The following SND1 variants were observed in gnomAD, a reference collection of about 807,000 sequenced individuals.
SND1 encodes the protein staphylococcal nuclease domain-containing protein 1.
In SND1, 38 loss-of-function variants were observed where a neutral mutation model predicts 121.7. The ratio of observed to expected loss-of-function variants is 0.31; its 90% CI spans 0.24 to 0.41. The LOEUF (loss-of-function observed/expected upper bound fraction) is 0.41, where lower values mean the gene tolerates loss of function less well. Among genes scored for constraint, SND1 ranks in the 10% least tolerant of loss-of-function variants. SND1 has a pLI of 1.00. For missense variants in SND1, 868 were observed against 1,184.6 expected (o/e 0.73, Z 3.92); for synonymous variants, 401 against 447.4 (o/e 0.90, Z 1.31).
chr7:127,873,895 TGACTATTCTAAACAAA>T (rs539722206), intron 12 of SND1, among the ~76,000 whole-genome samples: 2,249 of 152,228 alleles, frequency 0.015, 20 homozygotes, highest in Non-Finnish European at 0.025. Context: ...ACAACAACTC[TGACTATTCTAAACAAA>T]AGGAAGATGT....
intron 2 of SND1, among the ~76,000 whole-genome samples, chr7:127,693,882 T>A (rs1164568522): frequency 6.6e-6 from 1 of 152,152 alleles, no homozygotes; most frequent in Non-Finnish European, 1.5e-5. Flanking sequence ...ACTGTGCCAA[T>A]GGCTTCAGAG....
intron 16 of SND1, among the ~76,000 whole-genome samples, chr7:128,009,535 G>A (rs937859113): frequency 1.3e-5 from 2 of 152,188 alleles, no homozygotes; most frequent in African/African-American, 4.8e-5. Flanking sequence ...CAGTAGCCAC[G>A]TAATGGATAT....
chr7:128,081,551 G>A (rs1233401334), intron 18 of SND1, 50 bp downstream of exon 18: 9 of 1,605,704 alleles, frequency 5.6e-6, no homozygotes, highest in East Asian at 4.5e-5. Flanking sequence ...TCCAGCTGGC[G>A]CTGCCTGGGG....
chr7:127,776,760 T>C (rs1797627616), intron 10 of SND1, among the ~76,000 whole-genome samples: 2 of 152,154 alleles, frequency 1.3e-5, no homozygotes, highest in Non-Finnish European at 2.9e-5. Context: ...GGGTATTTCT[T>C]ATAACCAAAG....
chr7:127,795,604 G>A (rs1463794192), intron 10 of SND1, among the ~76,000 whole-genome samples: 1 of 152,098 alleles, frequency 6.6e-6, no homozygotes, highest in Non-Finnish European at 1.5e-5. Flanking sequence ...GTTTTTTCAA[G>A]ATCATAAGTA....
At chr7:127,922,198 T>TGG (rs1204407502) in intron 14 of SND1, among the ~76,000 whole-genome samples, 1 of 126,950 alleles carries the variant, frequency 7.9e-6, no homozygotes, top group Non-Finnish European at 1.6e-5. Context: ...TTTTTTTTTT[T>TGG]TTTTTGTTTT....
At chr7:127,670,873 G>A (rs999105375) in intron 1 of SND1, among the ~76,000 whole-genome samples, 2 of 151,772 alleles carry the variant, frequency 1.3e-5, no homozygotes, top group Non-Finnish European at 2.9e-5. Context: ...GCATAGGAAG[G>A]AAAAGGGATA....
chr7:127,699,043 A>G, intron 4 of SND1, 90 bp downstream of exon 4: 1 of 1,012,566 alleles, frequency 9.9e-7, no homozygotes, highest in Non-Finnish European at 1.5e-6. Context: ...GGGTAACTGC[A>G]GGGGCTTTCA....
chr7:127,786,134 C>T (rs1392200453), intron 10 of SND1, among the ~76,000 whole-genome samples: 1 of 151,336 alleles, frequency 6.6e-6, no homozygotes, highest in Non-Finnish European at 1.5e-5. Context: ...CCTGCTTCTT[C>T]AATTATCCTT....
chr7:127,660,212 C>A (rs1166981293), intron 1 of SND1, among the ~76,000 whole-genome samples: 1 of 152,058 alleles, frequency 6.6e-6, no homozygotes, highest in Non-Finnish European at 1.5e-5. Context: ...GCTTGAGACC[C>A]AGAGGAACAT....
chr7:128,083,590 A>G (rs572990925), intron 18 of SND1, among the ~76,000 whole-genome samples: 1 of 152,388 alleles, frequency 6.6e-6, no homozygotes, highest in South Asian at 2.1e-4. Context: ...GCTTTGTGCA[A>G]GTAAACAGAA....
At chr7:127,870,499 C>CT (rs1315572020) in intron 12 of SND1, among the ~76,000 whole-genome samples, 9 of 152,168 alleles carry the variant, frequency 5.9e-5, no homozygotes, top group African/African-American at 1.9e-4. Context: ...TAGCCTACTA[C>CT]ACACAGAGGC....
At chr7:128,072,837 T>C (rs1562889731) in intron 16 of SND1, among the ~76,000 whole-genome samples, 1 of 152,150 alleles carries the variant, frequency 6.6e-6, no homozygotes, top group Non-Finnish European at 1.5e-5. Flanking sequence ...CAACCTCAGA[T>C]TTTGCCCACC....
intron 15 of SND1, among the ~76,000 whole-genome samples, chr7:127,962,589 C>T (rs1318239137): frequency 6.6e-6 from 1 of 152,100 alleles, no homozygotes; most frequent in Non-Finnish European, 1.5e-5. Context: ...TGTTTCTTAC[C>T]ATTTTTCTGG....
At chr7:127,974,082 G>A (rs983006092) in intron 15 of SND1, among the ~76,000 whole-genome samples, 12 of 152,208 alleles carry the variant, frequency 7.9e-5, no homozygotes, top group Non-Finnish European at 1.5e-4. Context: ...ACTTACATAA[G>A]ATGTGTGTGT....
intron 11 of SND1, among the ~76,000 whole-genome samples, chr7:127,841,861 G>A (rs1280751300): frequency 2.0e-5 from 3 of 152,094 alleles, no homozygotes; most frequent in Non-Finnish European, 2.9e-5. Context: ...TTTAAAGCTA[G>A]GTATCTAATT....
At chr7:127,984,526 A>G (rs978495417) in intron 15 of SND1, among the ~76,000 whole-genome samples, 1 of 152,154 alleles carries the variant, frequency 6.6e-6, no homozygotes, top group African/African-American at 2.4e-5. Flanking sequence ...TTCATCAACC[A>G]TCTCTTTCTC....
rs1793798710 is a variant in SND1, at chr7:128,092,365, A to C, written c.*307A>C. On this transcript the variant is annotated 3_prime_UTR_variant, in exon 24 of 24. Transcript: ENST00000354725. This position sits in a 1 kb window ranked among gnomAD's most constrained non-coding sequence, Gnocchi z 4.9. ...GTCCTCAAATCAGGAAGAAACATCAAAGACTATGTCCTAGTGGAGGGAGTA... is the reference window on the plus strand; with the variant it reads ...GTCCTCAAATCAGGAAGAAACATCACAGACTATGTCCTAGTGGAGGGAGTA... The C allele has an allele frequency of 2.5e-6, 1 of 402,258 alleles. No individual in the cohort carries two copies. The highest frequency in any genetic ancestry group is 4.5e-6 in the Non-Finnish European group (1 of 222,672). 24.9% of individuals were successfully genotyped at this position (402,258 alleles called of 1,614,324 possible).
intron 6 of SND1, 122 bp from the exon 7 acceptor site, chr7:127,703,043 T>C: frequency 9.5e-7 from 1 of 1,050,850 alleles, no homozygotes. Flanking sequence ...GAAGGACTGA[T>C]TTAAGACCTT....
Sources: gnomAD v4.1 joint callset for allele counts (sites outside exome capture counted in the v4.1 genomes callset) on GRCh38, gnomAD v4.1.1 for gene constraint, Gnocchi (gnomAD v3.1) non-coding constraint, MANE v1.5 for transcripts, NCBI Gene and HGNC (gene_info 2026-07-23, HGNC 2026-07-21) for gene names.